Variants in KLHL1 observed in about 807,000 individuals in gnomAD.
KLHL1 encodes the protein kelch-like protein 1.
A neutral mutation model predicts 77.7 loss-of-function variants in KLHL1; 47 were observed. The observed-to-expected ratio is 0.60, with a 90% CI of 0.48 to 0.77. The LOEUF (loss-of-function observed/expected upper bound fraction) is 0.77. KLHL1 is among the 30% of genes least tolerant of loss of function. The pLI is 0.00. For synonymous variants in KLHL1, 360 were observed against 325.2 expected (o/e 1.11, Z -1.15); for missense variants, 925 against 910.8 (o/e 1.02, Z -0.20).
intron 5 of KLHL1, among the ~76,000 whole-genome samples, chr13:69,851,689 G>A (rs1171892597): frequency 1.3e-5 from 2 of 151,512 alleles, no homozygotes; most frequent in Admixed American, 1.3e-4. Context: ...TTCTAAATAT[G>A]TCTAGCATGC....
In KLHL1 at chr13:69,949,662, C is replaced by A. The variant is rs147896645; in HGVS notation, c.818-9426G>T. Among the ~76,000 whole-genome samples the A allele has an allele frequency of 1.3e-3, 204 of 151,778 alleles. 2 individuals carry two copies. Among genetic ancestry groups the A allele is most frequent in the East Asian group, 9.3e-3 (48 of 5,158 alleles). On this transcript the variant is annotated intron_variant, in intron 3 of 10. Coordinates refer to ENST00000377844, the MANE Select transcript of KLHL1 (RefSeq NM_020866.3). ...GACGGTGGAATAACTGGCATAAATA[C>A]TTTTGAATTCTTCTATGTGGGAAAT...
chr13:70,076,573 G>T (rs1487230291), intron 1 of KLHL1, among the ~76,000 whole-genome samples: 1 of 151,318 alleles, frequency 6.6e-6, no homozygotes, highest in South Asian at 2.1e-4. Flanking sequence ...ATGTGACAAT[G>T]AGTTTTTAGA....
intron 1 of KLHL1, among the ~76,000 whole-genome samples, chr13:70,093,904 T>C (rs1287771754): frequency 6.6e-6 from 1 of 152,170 alleles, no homozygotes; most frequent in East Asian, 1.9e-4. Context: ...ATAAAGTTAA[T>C]TAACTTGTTT....
At chr13:70,049,926 A>G (rs1030511517) in intron 1 of KLHL1, among the ~76,000 whole-genome samples, 136 of 152,194 alleles carry the variant, frequency 8.9e-4, no homozygotes, top group African/African-American at 3.2e-3. Flanking sequence ...TACATCTAAA[A>G]CTGCAAAATA....
At chr13:69,919,503 A>G (rs571148829) in intron 4 of KLHL1, among the ~76,000 whole-genome samples, 1 of 152,230 alleles carries the variant, frequency 6.6e-6, no homozygotes, top group Non-Finnish European at 1.5e-5. Flanking sequence ...TTGAGTGGAA[A>G]AGATTAATGA....
intron 10 of KLHL1, among the ~76,000 whole-genome samples, chr13:69,703,797 A>G (rs553965363): frequency 7.5e-4 from 114 of 151,866 alleles, no homozygotes; most frequent in African/African-American, 2.5e-3. Flanking sequence ...ATACTTATAT[A>G]GCTTTGTAAC....
chr13:69,954,744 C>T, intron 3 of KLHL1, among the ~76,000 whole-genome samples: 1 of 151,054 alleles, frequency 6.6e-6, no homozygotes, highest in African/African-American at 2.4e-5. Context: ...TTTTTATTGT[C>T]TATTTTGGCA....
At position 69,882,371 on chromosome 13, in the gene KLHL1, A is replaced by T; in HGVS notation, c.1139T>A (p.Met380Lys). 2 of 1,612,914 alleles carry T rather than the reference A, an allele frequency of 1.2e-6. No homozygotes were observed. Among genetic ancestry groups the T allele is most frequent in the African/African-American group, 2.7e-5 (2 of 75,030 alleles). Residue 380 changes from methionine to lysine, a missense_variant, in exon 5 of 11, where the codon ATG becomes AAG. Physicochemically the swap from Met to Lys is moderately conservative, Grantham distance 95. Coordinates refer to ENST00000377844, the MANE Select transcript of KLHL1 (RefSeq NM_020866.3). ...CTGCATGTCATACTTGACCCACATC[A>T]TCAATGCATGGAAGATGGTTTCTTC... is the stretch of plus-strand genomic sequence containing the variant. ...PDEETIFHAL[M>K]MWVKYDMQSR...
chr13:69,820,003 G>A (rs879511907), intron 6 of KLHL1, among the ~76,000 whole-genome samples: 12 of 152,074 alleles, frequency 7.9e-5, no homozygotes, highest in Non-Finnish European at 1.5e-4. Context: ...TTGTTTTCCC[G>A]TGTCAAGAAG....
chr13:69,867,197 T>C (rs1880398258), intron 5 of KLHL1, among the ~76,000 whole-genome samples: 2 of 152,140 alleles, frequency 1.3e-5, no homozygotes, highest in Admixed American at 6.6e-5. Flanking sequence ...AGTTTTCTTA[T>C]ATTATAAAGT....
intron 4 of KLHL1, among the ~76,000 whole-genome samples, chr13:69,926,215 C>T (rs1449072892): frequency 1.3e-5 from 2 of 152,086 alleles, no homozygotes; most frequent in South Asian, 4.1e-4. Flanking sequence ...GATTGATCTG[C>T]AGAGTCAAAG....
intron 5 of KLHL1, among the ~76,000 whole-genome samples, chr13:69,877,845 T>C (rs369573714): frequency 6.6e-6 from 1 of 152,140 alleles, no homozygotes; most frequent in Non-Finnish European, 1.5e-5. Flanking sequence ...CTCTGTTATA[T>C]TTTCTACACC....
chr13:69,920,725 T>C (rs1882604459), intron 4 of KLHL1, among the ~76,000 whole-genome samples: 2 of 152,138 alleles, frequency 1.3e-5, no homozygotes, highest in South Asian at 4.1e-4. Flanking sequence ...CAGTGAAAAA[T>C]GCTCTCGTTC....
At chr13:69,911,866 G>A (rs769956114) in intron 4 of KLHL1, among the ~76,000 whole-genome samples, 8 of 152,098 alleles carry the variant, frequency 5.3e-5, no homozygotes, top group Non-Finnish European at 5.9e-5. Context: ...GGTAGATTAG[G>A]CTAGACAACA....
intron 2 of KLHL1, among the ~76,000 whole-genome samples, chr13:69,967,853 C>T (rs1007480759): frequency 6.6e-6 from 1 of 151,028 alleles, no homozygotes; most frequent in African/African-American, 2.4e-5. Context: ...CCACTGTGCC[C>T]CAGCCTGTGG....
rs549743304 is a variant in KLHL1, at chr13:70,098,865, A to G, written c.497+8338T>C. ...TTTTTCAAGGCACCATGTAGCTTCAATGTGAATAAACAACCACTAGATGGC... is the reference window on the plus strand; with the variant it reads ...TTTTTCAAGGCACCATGTAGCTTCAGTGTGAATAAACAACCACTAGATGGC... On this transcript the variant is annotated intron_variant, in intron 1 of 10. Coordinates refer to ENST00000377844, the MANE Select transcript of KLHL1 (RefSeq NM_020866.3). Among the ~76,000 whole-genome samples the G allele has an allele frequency of 1.1e-4, 17 of 151,972 alleles. No homozygotes were observed. In the South Asian group the frequency reaches 3.5e-3, roughly 31 times the overall value.
chr13:69,972,793 C>A lies in KLHL1; in HGVS notation c.680+2827G>T, dbSNP rs1884426715. On this transcript the variant is annotated intron_variant, in intron 2 of 10. Coordinates refer to ENST00000377844, the MANE Select transcript of KLHL1 (RefSeq NM_020866.3). ...AATCATATTTCATTTCATATCTGTA[C>A]ATTATATCAGACAAGGCCATGAACA... 2.0e-5 allele frequency among the ~76,000 whole-genome samples: 3 copies of A among 151,776 alleles called. No individual in the cohort carries two copies. In the South Asian group the frequency reaches 6.2e-4, roughly 31 times the overall value.
chr13:70,094,745 A>G (rs1887748251), intron 1 of KLHL1, among the ~76,000 whole-genome samples: 1 of 152,202 alleles, frequency 6.6e-6, no homozygotes, highest in South Asian at 2.1e-4. Context: ...TGTTTCTAAG[A>G]CATTCTATTG....
intron 1 of KLHL1, among the ~76,000 whole-genome samples, chr13:70,018,469 A>G (rs539998210): frequency 1.3e-5 from 2 of 152,312 alleles, no homozygotes; most frequent in South Asian, 4.1e-4. Flanking sequence ...AAACAGATGG[A>G]CAGCTGAAAT....
Sources: allele counts gnomAD v4.1 joint callset (sites outside exome capture counted in the v4.1 genomes callset), GRCh38; gene constraint gnomAD v4.1.1; transcripts MANE v1.5; gene names NCBI Gene and HGNC (gene_info 2026-07-23, HGNC 2026-07-21).